TP53BP1: variants seen among roughly 807,000 people sequenced by gnomAD.
The protein encoded by TP53BP1 is tumor protein p53 binding protein 1.
Under a neutral mutation model 200.8 loss-of-function variants are expected in TP53BP1, and 61 were observed. The observed-to-expected ratio is 0.30, with a 90% confidence interval of 0.25 to 0.38. The LOEUF (loss-of-function observed/expected upper bound fraction) is 0.38, where lower values mean the gene tolerates loss of function less well. Among genes scored for constraint, TP53BP1 ranks in the 10% least tolerant of loss-of-function variants. The pLI is 1.00. For synonymous variants in TP53BP1, 822 were observed against 844.3 expected (o/e 0.97, Z 0.46); for missense variants, 2,144 against 2,371.9 (o/e 0.90, Z 2.00).
chr15:43,415,511 C>T (rs775759272), intron 23 of TP53BP1, 83 bp downstream of exon 23: 1 of 1,446,650 alleles, frequency 6.9e-7, no homozygotes, highest in South Asian at 1.1e-5. Flanking sequence ...GCCACTGCCA[C>T]ATATTAAGCT....
intron 24 of TP53BP1, among the ~76,000 whole-genome samples, chr15:43,411,871 C>T (rs1004942480): frequency 3.3e-5 from 5 of 152,202 alleles, no homozygotes; most frequent in Non-Finnish European, 7.3e-5. Context: ...AACAAAACAT[C>T]TATACAGCTG....
chr15:43,439,335 T>TA (rs2045874894), intron 15 of TP53BP1, among the ~76,000 whole-genome samples: 1 of 152,166 alleles, frequency 6.6e-6, no homozygotes, highest in African/African-American at 2.4e-5. Context: ...CTTCAGGAGT[T>TA]AGAGACTAGC....
Position 43,403,951 on chromosome 15 carries a change from G to C in TP53BP1, c.*3432C>G. On this transcript the variant is annotated 3_prime_UTR_variant, in exon 28 of 28. Transcript: ENST00000382044. Reference sequence around the variant, plus strand: ...TACAAAGATAAAAATGTTGGTATCAGTTGATTTTGAAGCAGGTAATACTGT... The same window carrying C: ...TACAAAGATAAAAATGTTGGTATCACTTGATTTTGAAGCAGGTAATACTGT... 1.6e-6 allele frequency: 1 copy of C among 624,020 alleles called. No individual in the cohort carries two copies. Among genetic ancestry groups the C allele is most frequent in the South Asian group, 1.9e-5 (1 of 52,262 alleles). 38.7% of individuals were successfully genotyped at this position (624,020 alleles called of 1,614,324 possible).
At chr15:43,495,495 T>TCACACACACACACACACA (rs376410840), upstream of TP53BP1, among the ~76,000 whole-genome samples, 34 of 133,458 alleles carry the variant, frequency 2.5e-4, no homozygotes, top group African/African-American at 5.9e-4. Flanking sequence ...TGAGACTCCG[T>TCACACACACACACACACA]CACACACACA....
chr15:43,441,875 G>A (rs2045932064), intron 14 of TP53BP1, among the ~76,000 whole-genome samples: 2 of 151,558 alleles, frequency 1.3e-5, no homozygotes, highest in South Asian at 2.1e-4. Flanking sequence ...TCAACCTCCC[G>A]AGTAGCTGGG....
chr15:43,482,926 T>C (rs2078994886), intron 4 of TP53BP1, among the ~76,000 whole-genome samples: 1 of 151,964 alleles, frequency 6.6e-6, no homozygotes, highest in Non-Finnish European at 1.5e-5. Flanking sequence ...AAAGAGTCTG[T>C]CTCCAAAAAA....
rs766381387 is a variant in TP53BP1 at position 43,408,081 on chromosome 15, G to A, written c.5608C>T (p.Arg1870Cys). The change falls in exon 27 of 28, where the codon CGT (arginine) becomes TGT (cysteine). Residue 1870 changes from arginine (R) to cysteine (C), a missense_variant. By Grantham distance (180) the Arg-to-Cys change is radical. Around this residue, in one of 4 missense-constraint regions of TP53BP1, gnomAD observed 334 missense variants for 453.4 expected, o/e 0.74. Coordinates refer to ENST00000382044, the MANE Select transcript of TP53BP1 (RefSeq NM_001141980.3). ...TTCAGATTCTGGAAAGGATTTTCACGGGGTTGCCTATGAAGGAGACAGGAA... is the reference window on the plus strand; with the variant it reads ...TTCAGATTCTGGAAAGGATTTTCACAGGGTTGCCTATGAAGGAGACAGGAA... ...EEQRILDWQPRENPFQNLKVL... is the reference protein window; with the variant it reads ...EEQRILDWQPCENPFQNLKVL... 3 of 1,613,678 alleles carry A rather than the reference G, an allele frequency of 1.9e-6. No homozygotes were observed. The highest frequency in any genetic ancestry group is 2.5e-6 in the Non-Finnish European group (3 of 1,179,894).
intron 13 of TP53BP1, chr15:43,446,887 C>G (rs143178818): frequency 1.7e-5 from 17 of 1,008,756 alleles, no homozygotes; most frequent in Non-Finnish European, 2.2e-5. Flanking sequence ...AGACTCCAGA[C>G]GGCATGATTG....
In TP53BP1 at chr15:43,408,080, C is replaced by G; in HGVS notation, c.5609G>C (p.Arg1870Pro). ...CTTCAGATTCTGGAAAGGATTTTCA[C>G]GGGGTTGCCTATGAAGGAGACAGGA... ...EEQRILDWQPRENPFQNLKVL... is the reference protein window; with the variant it reads ...EEQRILDWQPPENPFQNLKVL... Residue 1870 changes from arginine to proline, a missense_variant, in exon 27 of 28, where the codon CGT (arginine) becomes CCT (proline). Arg to Pro is a moderately radical substitution (Grantham distance 103). Transcript: ENST00000382044. The G allele has an allele frequency of 1.2e-6, 2 of 1,613,740 alleles. No homozygotes were observed. The highest frequency in any genetic ancestry group is 1.7e-6 in the Non-Finnish European group (2 of 1,179,864).
In TP53BP1 at chr15:43,428,095, TC is replaced by T; in HGVS notation, c.3748del (p.Glu1250LysfsTer21). 1 of 1,613,456 alleles carries T rather than the reference TC, an allele frequency of 6.2e-7. No homozygotes were observed. Among genetic ancestry groups the T allele is most frequent in the Non-Finnish European group, 8.5e-7 (1 of 1,179,386 alleles). On this transcript the variant is annotated frameshift_variant, in exon 18 of 28. Transcript: ENST00000382044. LOFTEE classifies it high-confidence loss of function. Reference protein sequence around the residue: ...VLHRHMRTIREVRTLVTRVIT... With the variant: ...VLHRHMRTIRXVRTLVTRVIT... ...GACACGAGTGACAAGTGTGCGTACT[TC>T]CCGGATTGTTCTCATGTGACGATGT...
intron 18 of TP53BP1, among the ~76,000 whole-genome samples, chr15:43,427,355 A>G (rs1330231904): frequency 1.3e-5 from 2 of 152,250 alleles, no homozygotes; most frequent in Non-Finnish European, 2.9e-5. Context: ...GAGAAAACAC[A>G]GGTAGTTTGA....
chr15:43,404,947 A>T lies in TP53BP1; in HGVS notation c.*2436T>A. The T allele has an allele frequency of 1.9e-6, 1 of 535,584 alleles. No homozygotes were observed. The highest frequency in any genetic ancestry group is 3.3e-6 in the Non-Finnish European group (1 of 304,698). The allele number at this position is 535,584 out of a possible 1,614,324, so 33.2% of individuals were successfully genotyped here. A position where few individuals can be genotyped will look rare whatever the true frequency, so the allele number is the denominator to read the frequency against. On this transcript the variant is annotated 3_prime_UTR_variant, in exon 28 of 28. Coordinates refer to ENST00000382044, the MANE Select transcript of TP53BP1 (RefSeq NM_001141980.3). Reference sequence around the variant, plus strand: ...CTTCTAACTCTAAACTTTAAAAAAAACTGATACCGAGATTCAGTGGTAGCT... The same window carrying T: ...CTTCTAACTCTAAACTTTAAAAAAATCTGATACCGAGATTCAGTGGTAGCT...
intron 1 of TP53BP1, among the ~76,000 whole-genome samples, chr15:43,508,342 AG>A (rs2079249714): frequency 6.6e-6 from 1 of 152,154 alleles, no homozygotes; most frequent in Non-Finnish European, 1.5e-5. Flanking sequence ...CCTGGGCAAG[AG>A]AGCAAGACTC....
rs557303302 is a variant in TP53BP1 at position 43,461,924 on chromosome 15, C to T, written c.1390-4706G>A. ...ACCTCAAGTGATTGGTCTGCCTCGGCCTCCCAAAGCTGGGATTACAAGCGT... is the reference window on the plus strand; with the variant it reads ...ACCTCAAGTGATTGGTCTGCCTCGGTCTCCCAAAGCTGGGATTACAAGCGT... On this transcript the variant is annotated intron_variant, in intron 11 of 27. Transcript: ENST00000382044. Among the ~76,000 whole-genome samples the T allele has an allele frequency of 3.3e-5, 5 of 151,800 alleles. No homozygotes were observed. The South Asian group carries it at 8.4e-4, about 25-fold the overall frequency.
intron 11 of TP53BP1, among the ~76,000 whole-genome samples, chr15:43,465,998 A>G (rs1018613074): frequency 2.6e-5 from 4 of 152,210 alleles, no homozygotes; most frequent in African/African-American, 9.7e-5. Context: ...GGAAGACAAA[A>G]GAGCAATGCC....
rs1008005709 is a variant in TP53BP1, at chr15:43,479,668, T to G, written c.659-142A>C. On this transcript the variant is annotated intron_variant, in intron 6 of 27. Transcript: ENST00000382044. ...ACAGGCATCAGTCTATAAAGGAAAG[T>G]AACCAATAACTTAAAACCTCAGCCC... 34 of 1,164,292 alleles carry G rather than the reference T, an allele frequency of 2.9e-5. No individual in the cohort carries two copies. The East Asian group carries it at 8.2e-4, about 28-fold the overall frequency. 72.1% of individuals were successfully genotyped at this position (1,164,292 alleles called of 1,614,324 possible).
chr15:43,462,770 A>C (rs1432908138), intron 11 of TP53BP1, among the ~76,000 whole-genome samples: 1 of 152,232 alleles, frequency 6.6e-6, no homozygotes, highest in East Asian at 1.9e-4. Flanking sequence ...AAACTAAACA[A>C]TTCAGGCCAG....
Position 43,416,396 on chromosome 15 carries a change from T to C in TP53BP1, c.4702A>G (p.Lys1568Glu). Residue 1568 changes from lysine (K) to glutamate (E), a missense_variant, in exon 22 of 28, where the codon AAG becomes GAG. Lys to Glu is a moderately conservative substitution (Grantham distance 56, BLOSUM62 1). Transcript: ENST00000382044. The part of the protein sequence containing the change: ...FSAGVVKGHR[K>E]ESGELYYSIE... ...CTGTAGTACAGTTCCCCAGACTCCT[T>C]CCTATGTCCTTTCACCACTCCTGGG... 2 of 1,614,102 alleles carry C rather than the reference T, an allele frequency of 1.2e-6. No individual in the cohort carries two copies. Among genetic ancestry groups the C allele is most frequent in the Non-Finnish European group, 1.7e-6 (2 of 1,179,974 alleles).
Position 43,403,406 on chromosome 15 carries a change from C to T in TP53BP1, c.*3977G>A, listed in dbSNP as rs142075071. 1.0e-3 allele frequency: 284 copies of T among 271,636 alleles called. 1 individual carries two copies. The highest frequency in any genetic ancestry group is 5.7e-3 in the African/African-American group (258 of 45,200). 16.8% of individuals were successfully genotyped at this position (271,636 alleles called of 1,614,324 possible). A position where few individuals can be genotyped will look rare whatever the true frequency, so the allele number is the denominator to read the frequency against. ...AGCTCAGAGGCAGGAAGACACTCTG[C>T]GGGTCTAAGAAATGAAGAGTTAAAT... On this transcript the variant is annotated 3_prime_UTR_variant, in exon 28 of 28. Transcript: ENST00000382044.
Sources: allele counts gnomAD v4.1 joint callset (sites outside exome capture counted in the v4.1 genomes callset), GRCh38; gene constraint gnomAD v4.1.1; regional missense constraint gnomAD v4.1.1; transcripts MANE v1.5; gene names NCBI Gene and HGNC (gene_info 2026-07-23, HGNC 2026-07-21).